The following DNAAF11 variants were observed in gnomAD, a reference collection of about 807,000 sequenced individuals.
DNAAF11 encodes leucine rich repeat containing 6.
DNAAF11 carries 45 observed loss-of-function variants against 60.8 expected under a neutral mutation model. The ratio of observed to expected loss-of-function variants is 0.74; its 90% confidence interval spans 0.58 to 0.95. The LOEUF is 0.95. Ranked by LOEUF, DNAAF11 falls within the 40% of genes least tolerant of loss-of-function variation. The pLI is 0.00. For synonymous variants in DNAAF11, 191 were observed against 183.5 expected (o/e 1.04, Z -0.33); for missense variants, 546 against 546.2 (o/e 1.00, Z 0.00).
At chr8:132,585,691 T>C (rs902650830) in intron 10 of DNAAF11, among the ~76,000 whole-genome samples, 1 of 152,240 alleles carries the variant, frequency 6.6e-6, no homozygotes, top group African/African-American at 2.4e-5. Flanking sequence ...AAACAATGTT[T>C]ACTTCTTCAA....
chr8:132,697,567 G>A, the DNAAF11 span, among the ~76,000 whole-genome samples: 22 of 151,704 alleles, frequency 1.5e-4, no homozygotes, highest in African/African-American at 5.1e-4. Flanking sequence ...GCAGTGAGCT[G>A]AGATTTTGCC....
At chr8:132,684,595 G>T in the DNAAF11 span, among the ~76,000 whole-genome samples, 1 of 152,158 alleles carries the variant, frequency 6.6e-6, no homozygotes, top group Non-Finnish European at 1.5e-5. Flanking sequence ...CTTAGCACCT[G>T]CCCTAGATCA....
chr8:132,688,230 C>A, the DNAAF11 span, among the ~76,000 whole-genome samples: 1 of 152,172 alleles, frequency 6.6e-6, no homozygotes, highest in Non-Finnish European at 1.5e-5. Context: ...CAAACCACAG[C>A]AATTTCTCTT....
intron 7 of DNAAF11, among the ~76,000 whole-genome samples, chr8:132,620,232 A>C (rs1451105237): frequency 6.6e-6 from 1 of 151,812 alleles, no homozygotes; most frequent in East Asian, 1.9e-4. Flanking sequence ...AAGAGTGGGT[A>C]GTGTGCTGGA....
intron 2 of DNAAF11, among the ~76,000 whole-genome samples, chr8:132,660,462 C>A (rs940221208): frequency 2.6e-5 from 4 of 152,150 alleles, no homozygotes; most frequent in African/African-American, 9.7e-5. Context: ...TAGAGGGAGG[C>A]GGGAGAGGCA....
At chr8:132,657,244 C>T (rs1823668161) in intron 2 of DNAAF11, among the ~76,000 whole-genome samples, 1 of 152,144 alleles carries the variant, frequency 6.6e-6, no homozygotes, top group Admixed American at 6.5e-5. Flanking sequence ...GCCAAAAAGC[C>T]ATGGCAGTCT....
intron 1 of DNAAF11, among the ~76,000 whole-genome samples, chr8:132,667,975 A>G (rs1824799579): frequency 6.6e-6 from 1 of 152,210 alleles, no homozygotes; most frequent in South Asian, 2.1e-4. Context: ...CAGGCTTTAC[A>G]TCATGTTTTG....
At chr8:132,673,263 CAAAG>C (rs1825363583) in intron 1 of DNAAF11, among the ~76,000 whole-genome samples, 1 of 152,096 alleles carries the variant, frequency 6.6e-6, no homozygotes, top group Admixed American at 6.5e-5. Context: ...TGTGCCTCAC[CAAAG>C]AAATAGAGAT....
At chr8:132,594,182 A>G (rs1379564848) in intron 10 of DNAAF11, among the ~76,000 whole-genome samples, 2 of 152,162 alleles carry the variant, frequency 1.3e-5, no homozygotes, top group Non-Finnish European at 2.9e-5. Context: ...TCTTCAACTA[A>G]TATTTATTTG....
intron 8 of DNAAF11, among the ~76,000 whole-genome samples, chr8:132,612,785 T>C (rs73355151): frequency 0.097 from 14,769 of 152,164 alleles, 2,046 homozygotes; most frequent in African/African-American, 0.31. Context: ...AGTAGACACC[T>C]ATGTGCCCAT....
At chr8:132,686,642 C>T in the DNAAF11 span, among the ~76,000 whole-genome samples, 100 of 152,002 alleles carry the variant, frequency 6.6e-4, no homozygotes, top group Middle Eastern at 6.8e-3. Flanking sequence ...ATGAGTCAGC[C>T]GGACTAGGAG....
At chr8:132,637,319 G>A (rs1821403073) in intron 4 of DNAAF11, among the ~76,000 whole-genome samples, 1 of 152,176 alleles carries the variant, frequency 6.6e-6, no homozygotes. Context: ...CAAAGACTGT[G>A]AACCTGCCGG....
At chr8:132,666,471 C>T (rs879552973) in intron 1 of DNAAF11, among the ~76,000 whole-genome samples, 9 of 152,012 alleles carry the variant, frequency 5.9e-5, no homozygotes, top group African/African-American at 9.7e-5. Flanking sequence ...ACAAACTCTG[C>T]CCTCAAGGAA....
At chr8:132,667,605 T>C (rs189195537) in intron 1 of DNAAF11, among the ~76,000 whole-genome samples, 1 of 152,362 alleles carries the variant, frequency 6.6e-6, no homozygotes, top group East Asian at 1.9e-4. Flanking sequence ...AAGATGCAGA[T>C]GGTTGAGTGC....
At chr8:132,645,737 G>T (rs1040023705) in intron 3 of DNAAF11, among the ~76,000 whole-genome samples, 2 of 152,146 alleles carry the variant, frequency 1.3e-5, no homozygotes, top group Admixed American at 1.3e-4. Context: ...AGGGGTATCA[G>T]TGACTGAAGA....
intron 1 of DNAAF11, among the ~76,000 whole-genome samples, chr8:132,670,182 GA>G (rs918406499): frequency 2.0e-5 from 3 of 151,518 alleles, no homozygotes; most frequent in East Asian, 1.9e-4. Flanking sequence ...ATGAAAAGCA[GA>G]AAAAAATAGA....
chr8:132,621,213 T>C (rs1280064415), intron 7 of DNAAF11, among the ~76,000 whole-genome samples: 2 of 152,106 alleles, frequency 1.3e-5, no homozygotes, highest in Non-Finnish European at 2.9e-5. Flanking sequence ...AGAACAGCTG[T>C]CAGCCACAGA....
At chr8:132,678,408 G>A (rs564432772), upstream of DNAAF11, among the ~76,000 whole-genome samples, 6 of 152,170 alleles carry the variant, frequency 3.9e-5, no homozygotes, top group African/African-American at 9.7e-5. Flanking sequence ...AGCAACTTTC[G>A]TAGTCACCCG....
intron 10 of DNAAF11, among the ~76,000 whole-genome samples, chr8:132,603,261 T>C (rs1165608660): frequency 6.6e-6 from 1 of 152,156 alleles, no homozygotes; most frequent in Non-Finnish European, 1.5e-5. Flanking sequence ...CTAGAGGTAT[T>C]ATGAGAAGAT....
Sources: gnomAD v4.1 joint callset for allele counts (sites outside exome capture counted in the v4.1 genomes callset) on GRCh38, gnomAD v4.1.1 for gene constraint, MANE v1.5 for transcripts, NCBI Gene and HGNC (gene_info 2026-07-23, HGNC 2026-07-21) for gene names.